CRYL1: variants seen among roughly 807,000 people sequenced by gnomAD.
CRYL1 encodes crystallin lambda 1.
CRYL1 carries 29 observed loss-of-function variants against 36.6 expected under a neutral mutation model. The observed-to-expected ratio is 0.79, with a 90% CI of 0.59 to 1.08. CRYL1 has a LOEUF of 1.08. CRYL1 is among the 50% of genes least tolerant of loss of function. The pLI, the probability that CRYL1 is intolerant of heterozygous loss-of-function variation, is 0.00. For missense variants in CRYL1, 411 were observed against 407.9 expected (o/e 1.01, Z -0.06); for synonymous variants, 152 against 151.5 (o/e 1.00, Z -0.02).
Position 20,425,594 on chromosome 13 carries a change from G to A in CRYL1, c.633+6508C>T, listed in dbSNP as rs114436869. 2.7e-3 allele frequency among the ~76,000 whole-genome samples: 418 copies of A among 152,262 alleles called. 1 individual carries two copies. Among genetic ancestry groups the A allele is most frequent in the African/African-American group, 9.5e-3 (396 of 41,542 alleles). ...GAGAACTAGACCCATATGAATGTTG[G>A]TTGATAAGAGGAGAGAAGAAATCAA... is the stretch of plus-strand genomic sequence containing the variant. On this transcript the variant is annotated intron_variant, in intron 5 of 7. Coordinates refer to ENST00000298248, the MANE Select transcript of CRYL1 (RefSeq NM_015974.3). This position sits in a 1 kb window ranked among gnomAD's most constrained non-coding sequence, Gnocchi z 4.4.
chr13:20,460,582 G>A (rs1175585564), intron 3 of CRYL1, among the ~76,000 whole-genome samples: 2 of 127,508 alleles, frequency 1.6e-5, no homozygotes, highest in African/African-American at 3.0e-5. Flanking sequence ...CTGGAGTGCA[G>A]TGGCGCTATC....
At chr13:20,482,067 A>T (rs916935634) in intron 3 of CRYL1, among the ~76,000 whole-genome samples, 4 of 151,898 alleles carry the variant, frequency 2.6e-5, no homozygotes, top group Non-Finnish European at 4.4e-5. Flanking sequence ...AAATATTCTG[A>T]GTCTCAGTGA....
chr13:20,424,639 G>A (rs1278410273), intron 5 of CRYL1, among the ~76,000 whole-genome samples: 1 of 152,334 alleles, frequency 6.6e-6, no homozygotes. Flanking sequence ...GCTGTCAGAG[G>A]AGACAGAGAC....
Position 20,439,617 on chromosome 13 carries a change from C to G in CRYL1, c.414G>C (p.Val138=). ...CAGGATGAGCCACGATGCATTGCTT[C>G]ACATGGACCAAGCCAGCAAACAACT... ...PSKLFAGLVH[V]KQCIVAHPVN... is the part of the protein sequence containing the mutation. The change falls in exon 4 of 8, where the codon GTG becomes GTC. Residue 138 remains valine, a synonymous_variant. Transcript: ENST00000298248. 1.9e-6 allele frequency: 3 copies of G among 1,607,456 alleles called. No individual in the cohort carries two copies. Among genetic ancestry groups the G allele is most frequent in the Non-Finnish European group, 2.6e-6 (3 of 1,176,406 alleles).
chr13:20,525,784 G>T lies in CRYL1; in HGVS notation c.11C>A (p.Ser4Tyr), dbSNP rs554211019. 108 of 1,284,912 alleles carry T rather than the reference G, an allele frequency of 8.4e-5. 1 individual carries two copies. In the African/African-American group the frequency reaches 1.2e-3, roughly 14 times the overall value. The allele number at this position is 1,284,912 out of a possible 1,614,324, so 79.6% of individuals were successfully genotyped here. A position where few individuals can be genotyped will look rare whatever the true frequency, so the allele number is the denominator to read the frequency against. Residue 4 changes from serine to tyrosine, a missense_variant, in exon 1 of 8, where the codon TCC becomes TAC. By Grantham distance (144) the Ser-to-Tyr change is moderately radical. Transcript: ENST00000298248. The surrounding 1 kb of genome is among the most constrained non-coding windows in gnomAD (Gnocchi z 4.3). ...AACGATCACCACGCAGCCGGCCGCG[G>T]AGGACGCCATGGTTGGGCCGGGGAC... MAS[S>Y]AAGCVVIVGS...
At chr13:20,507,666 C>A (rs1276609483) in intron 2 of CRYL1, among the ~76,000 whole-genome samples, 1 of 152,210 alleles carries the variant, frequency 6.6e-6, no homozygotes, top group Admixed American at 6.5e-5. Context: ...CACCTGTAAT[C>A]CCAGCACTTT....
chr13:20,483,603 G>A (rs956087940), intron 3 of CRYL1, among the ~76,000 whole-genome samples: 6 of 152,092 alleles, frequency 3.9e-5, no homozygotes, highest in African/African-American at 9.7e-5. Context: ...ACAGTGGCGG[G>A]ATCTCAGCTT....
intron 4 of CRYL1, 61 bp downstream of exon 4, chr13:20,439,532 A>AAAG: frequency 1.1e-6 from 1 of 871,274 alleles, no homozygotes; most frequent in Non-Finnish European, 1.5e-6. Context: ...AAAAAAAAAG[A>AAAG]AAAAAAAAAA....
chr13:20,496,410 G>A (rs2033605408), intron 2 of CRYL1, among the ~76,000 whole-genome samples: 5 of 152,162 alleles, frequency 3.3e-5, no homozygotes, highest in Admixed American at 1.3e-4. Context: ...CTAGAATTTA[G>A]AAATAAGTCG....
chr13:20,457,306 A>C (rs1565970446), intron 3 of CRYL1, among the ~76,000 whole-genome samples: 1 of 152,268 alleles, frequency 6.6e-6, no homozygotes, highest in East Asian at 1.9e-4. Context: ...ATAATTTTTC[A>C]TATTAAATTT....
At chr13:20,491,718 G>A in intron 2 of CRYL1, among the ~76,000 whole-genome samples, 1 of 152,198 alleles carries the variant, frequency 6.6e-6, no homozygotes, top group Middle Eastern at 3.2e-3. Context: ...TTGAGCCCAG[G>A]AGGTGGAGGC....
At chr13:20,492,563 C>T (rs2033532448) in intron 2 of CRYL1, among the ~76,000 whole-genome samples, 1 of 152,150 alleles carries the variant, frequency 6.6e-6, no homozygotes, top group South Asian at 2.1e-4. Flanking sequence ...CTTCCCCCTC[C>T]ATAGCCAGCC....
intron 3 of CRYL1, among the ~76,000 whole-genome samples, chr13:20,482,422 T>C (rs1233416998): frequency 6.6e-6 from 1 of 152,238 alleles, no homozygotes; most frequent in East Asian, 1.9e-4. Context: ...TAATGAGCTT[T>C]AATGTGCTTT....
intron 2 of CRYL1, 108 bp downstream of exon 2, chr13:20,512,335 G>A (rs1003568886): frequency 8.9e-6 from 7 of 785,946 alleles, no homozygotes; most frequent in South Asian, 5.1e-5. Flanking sequence ...GCCATCAGAC[G>A]AAAATGTGAC....
intron 2 of CRYL1, among the ~76,000 whole-genome samples, chr13:20,508,887 A>AAAAAACAAACAAAAAAG (rs2033860393): frequency 1.6e-5 from 2 of 126,988 alleles, no homozygotes; most frequent in African/African-American, 5.7e-5. Flanking sequence ...AAAAAAAAAA[A>AAAAAACAAACAAAAAAG]ACTGACAACA....
At chr13:20,466,472 G>C (rs1186662010) in intron 3 of CRYL1, among the ~76,000 whole-genome samples, 1 of 152,136 alleles carries the variant, frequency 6.6e-6, no homozygotes, top group African/African-American at 2.4e-5. Context: ...TTGTTTAAAT[G>C]GGCAAAGTGT....
intron 3 of CRYL1, among the ~76,000 whole-genome samples, chr13:20,487,876 C>T (rs942710878): frequency 3.9e-5 from 6 of 152,120 alleles, no homozygotes; most frequent in Admixed American, 1.3e-4. Context: ...CCAAGGCCAG[C>T]GGATCACTTG....
Position 20,439,774 on chromosome 13 carries a change from A to G in CRYL1, c.277-20T>C. ...ACATTCCTGAAAAGGACACGTTTAA[A>G]TGACTATTCATGACCACTCGACTCA... On this transcript the variant is annotated intron_variant, in intron 3 of 7. Transcript: ENST00000298248. The G allele has an allele frequency of 6.2e-7, 1 of 1,609,400 alleles. No homozygotes were observed. Among genetic ancestry groups the G allele is most frequent in the Non-Finnish European group, 8.5e-7 (1 of 1,176,156 alleles).
In CRYL1 at chr13:20,403,755, C is replaced by A; in HGVS notation, c.*374G>T. On this transcript the variant is annotated 3_prime_UTR_variant, in exon 8 of 8. Coordinates refer to ENST00000298248, the MANE Select transcript of CRYL1 (RefSeq NM_015974.3). ...CATAAATGCAGGGCCCCAGAGTACT[C>A]AGAAAGGGATTAGAAAATAATTACA... 6.2e-6 allele frequency: 1 copy of A among 162,412 alleles called. No homozygotes were observed. Among genetic ancestry groups the A allele is most frequent in the Non-Finnish European group, 1.3e-5 (1 of 75,104 alleles). 10.1% of individuals were successfully genotyped at this position (162,412 alleles called of 1,614,324 possible).
Sources: allele counts gnomAD v4.1 joint callset (sites outside exome capture counted in the v4.1 genomes callset), GRCh38; gene constraint gnomAD v4.1.1; non-coding constraint Gnocchi (gnomAD v3.1); transcripts MANE v1.5; gene names NCBI Gene and HGNC (gene_info 2026-07-23, HGNC 2026-07-21).